Variants in KALRN observed in about 807,000 individuals in gnomAD.
KALRN encodes kalirin RhoGEF kinase, also known as kalirin.
Under a neutral mutation model 353.7 loss-of-function variants are expected in KALRN, and 70 were observed. The ratio of observed to expected loss-of-function variants is 0.20; its 90% confidence interval spans 0.16 to 0.24. The LOEUF is 0.24. Among genes scored for constraint, KALRN ranks in the 10% least tolerant of loss-of-function variants. The probability of loss-of-function intolerance (pLI) is 1.00; values close to 1 mark genes in which losing one functional copy is unlikely to be tolerated. For missense variants in KALRN, 2,791 were observed against 3,756.7 expected (o/e 0.74, Z 6.72); for synonymous variants, 1,391 against 1,434.8 (o/e 0.97, Z 0.69).
chr3:124,248,356 T>G (rs1212528248), intron 3 of KALRN, among the ~76,000 whole-genome samples: 1 of 152,206 alleles, frequency 6.6e-6, no homozygotes, highest in Non-Finnish European at 1.5e-5. Flanking sequence ...CTTTCCTCTG[T>G]CCGGGGCTGT....
chr3:124,498,629 G>A (rs1042209743), intron 33 of KALRN, among the ~76,000 whole-genome samples: 1 of 152,200 alleles, frequency 6.6e-6, no homozygotes, highest in Non-Finnish European at 1.5e-5. Flanking sequence ...TAGGAGACAT[G>A]AGCAGGTCAG....
chr3:124,235,556 G>T (rs991596224), intron 3 of KALRN, among the ~76,000 whole-genome samples: 23 of 152,276 alleles, frequency 1.5e-4, no homozygotes, highest in African/African-American at 5.3e-4. Flanking sequence ...AGATGTGAGA[G>T]TTGGGAGAGC....
chr3:124,254,560 G>A (rs963732336), intron 3 of KALRN, among the ~76,000 whole-genome samples: 4 of 151,952 alleles, frequency 2.6e-5, no homozygotes, highest in African/African-American at 4.8e-5. Context: ...TTTTCTTAAC[G>A]GTAGGGCAGG....
intron 34 of KALRN, among the ~76,000 whole-genome samples, chr3:124,605,807 C>T (rs1445696828): frequency 2.0e-5 from 3 of 152,160 alleles, no homozygotes; most frequent in African/African-American, 7.2e-5. Context: ...AGCTGCTGTG[C>T]TTCACCCATG....
rs1191677897 is a variant in KALRN, at chr3:124,725,662, G to A, written c.*6192G>A. 1 of 152,162 alleles carries A rather than the reference G, an allele frequency of 6.6e-6. No homozygotes were observed. Among genetic ancestry groups the A allele is most frequent in the East Asian group, 1.9e-4 (1 of 5,206 alleles). 9.4% of individuals were successfully genotyped at this position (152,162 alleles called of 1,614,324 possible). ...TTCTGGAATTAATTTGCTGTCTTTTGACATCCACAAAGCCAAACTAACAAA... is the reference window on the plus strand; with the variant it reads ...TTCTGGAATTAATTTGCTGTCTTTTAACATCCACAAAGCCAAACTAACAAA... On this transcript the variant is annotated 3_prime_UTR_variant, in exon 60 of 60. Transcript: ENST00000682506.
At chr3:124,240,423 G>A (rs2080291348) in intron 3 of KALRN, among the ~76,000 whole-genome samples, 2 of 152,176 alleles carry the variant, frequency 1.3e-5, no homozygotes, top group African/African-American at 4.8e-5. Context: ...AGCAAGGTTT[G>A]GATCCCTCAG....
chr3:124,525,661 A>G (rs2067527891), intron 33 of KALRN, among the ~76,000 whole-genome samples: 1 of 152,210 alleles, frequency 6.6e-6, no homozygotes, highest in South Asian at 2.1e-4. Flanking sequence ...GATTGACACA[A>G]TTGAGCTTCT....
At chr3:124,651,642 T>C (rs1439250107) in intron 38 of KALRN, among the ~76,000 whole-genome samples, 1 of 148,908 alleles carries the variant, frequency 6.7e-6, no homozygotes, top group African/African-American at 2.5e-5. Flanking sequence ...TCTATCTTTT[T>C]TTTTTTTTTT....
intron 13 of KALRN, among the ~76,000 whole-genome samples, chr3:124,406,849 T>TTTTTGACA (rs2091603971): frequency 6.6e-6 from 1 of 150,506 alleles, no homozygotes; most frequent in African/African-American, 2.4e-5. Context: ...TTTTTTTTTT[T>TTTTTGACA]GAGACAGGGT....
intron 1 of KALRN, among the ~76,000 whole-genome samples, chr3:124,161,835 T>C (rs1250250418): frequency 6.6e-6 from 1 of 152,228 alleles, no homozygotes; most frequent in African/African-American, 2.4e-5. Context: ...TGAGGGTCTC[T>C]GCATTTCTGA....
rs75598147 is a variant in KALRN at position 124,490,978 on chromosome 3, C to T, written c.4587+94C>T. 6.4e-3 allele frequency: 7,410 copies of T among 1,159,926 alleles called. 300 individuals are homozygous for T. In the African/African-American group the frequency reaches 0.093, roughly 15 times the overall value. 71.9% of individuals were successfully genotyped at this position (1,159,926 alleles called of 1,614,324 possible). The stretch of plus-strand genomic sequence containing the variant: ...GGACACACTCATCTCATCTCCTCCC[C>T]GGCCTCCACACCAAAACCATCCTGG... On this transcript the variant is annotated intron_variant, in intron 30 of 59. Coordinates refer to ENST00000682506, the MANE Select transcript of KALRN (RefSeq NM_001388419.1).
chr3:124,449,632 A>G (rs1177187076), intron 21 of KALRN, among the ~76,000 whole-genome samples: 4 of 152,224 alleles, frequency 2.6e-5, no homozygotes, highest in Admixed American at 1.3e-4. Context: ...AAACATTGCC[A>G]CTGTTTCATT....
chr3:124,593,597 C>A (rs1222316848), intron 34 of KALRN, among the ~76,000 whole-genome samples: 2 of 152,174 alleles, frequency 1.3e-5, no homozygotes, highest in East Asian at 3.8e-4. Flanking sequence ...CCTCCCCTAA[C>A]CTGCCTCCTC....
At chr3:124,289,179 G>T (rs776050835) in intron 5 of KALRN, among the ~76,000 whole-genome samples, 2 of 150,882 alleles carry the variant, frequency 1.3e-5, no homozygotes, top group Non-Finnish European at 2.9e-5. Context: ...ATTCCATCAT[G>T]GGGGGGGTCC....
chr3:124,142,343 A>G (rs1443134134), intron 1 of KALRN, among the ~76,000 whole-genome samples: 1 of 152,184 alleles, frequency 6.6e-6, no homozygotes, highest in African/African-American at 2.4e-5. Flanking sequence ...CAGCCAACAC[A>G]TGGGCTCCTT....
At chr3:124,301,264 C>T (rs2077244627) in intron 6 of KALRN, among the ~76,000 whole-genome samples, 1 of 152,210 alleles carries the variant, frequency 6.6e-6, no homozygotes, top group Non-Finnish European at 1.5e-5. Flanking sequence ...ACATCAAAAA[C>T]CTTTCTTCAG....
intron 1 of KALRN, among the ~76,000 whole-genome samples, chr3:124,121,555 T>A (rs1010477703): frequency 2.6e-5 from 4 of 152,226 alleles, no homozygotes; most frequent in Non-Finnish European, 5.9e-5. Flanking sequence ...AAGTCACCCA[T>A]GAGCACTCAG....
At chr3:124,565,036 G>A (rs921737725) in intron 34 of KALRN, among the ~76,000 whole-genome samples, 4 of 152,214 alleles carry the variant, frequency 2.6e-5, no homozygotes, top group Non-Finnish European at 4.4e-5. Context: ...CTTCCTGATG[G>A]TTAACTGTGA....
chr3:124,349,449 T>A (rs901499093), intron 10 of KALRN, among the ~76,000 whole-genome samples: 1 of 151,908 alleles, frequency 6.6e-6, no homozygotes, highest in East Asian at 2.0e-4. Flanking sequence ...CATTATGATT[T>A]TTTTTGCAAT....
Sources: allele counts gnomAD v4.1 joint callset (sites outside exome capture counted in the v4.1 genomes callset), GRCh38; gene constraint gnomAD v4.1.1; transcripts MANE v1.5; gene names NCBI Gene and HGNC (gene_info 2026-07-23, HGNC 2026-07-21).